Variants in PAIP1 observed in about 807,000 individuals in gnomAD.
PAIP1 encodes the protein poly(A) binding protein interacting protein 1, also known as polyadenylate-binding protein-interacting protein 1.
PAIP1 carries 16 observed loss-of-function variants against 61.3 expected under a neutral mutation model. The ratio of observed to expected loss-of-function variants is 0.26; its 90% CI spans 0.18 to 0.40. The LOEUF (loss-of-function observed/expected upper bound fraction) is 0.40, where lower values mean the gene tolerates loss of function less well. PAIP1 is among the 10% of genes least tolerant of loss of function. The pLI, the probability that PAIP1 is intolerant of heterozygous loss-of-function variation, is 1.00. For synonymous variants in PAIP1, 187 were observed against 226.2 expected (o/e 0.83, Z 1.56); for missense variants, 416 against 600.9 (o/e 0.69, Z 3.22).
chr5:43,534,542 A>G (rs1047664204), intron 8 of PAIP1, among the ~76,000 whole-genome samples: 7 of 152,228 alleles, frequency 4.6e-5, no homozygotes, highest in African/African-American at 1.4e-4. Flanking sequence ...ATGCAAAGTA[A>G]AAGTCTGAGA....
At chr5:43,555,694 A>G (rs1406236672) in intron 2 of PAIP1, 136 bp downstream of exon 2, 2 of 614,338 alleles carry the variant, frequency 3.3e-6, no homozygotes, top group Non-Finnish European at 5.7e-6. Context: ...TCTGAGTTCA[A>G]TAATTCAAAA....
intron 3 of PAIP1, among the ~76,000 whole-genome samples, chr5:43,546,819 G>T (rs1182620764): frequency 6.6e-6 from 1 of 151,966 alleles, no homozygotes; most frequent in Non-Finnish European, 1.5e-5. Flanking sequence ...AAGGCAAGCA[G>T]ATCACTTGCG....
Position 43,526,776 on chromosome 5 carries a change from G to C in PAIP1, c.*600C>G, listed in dbSNP as rs1348214340. 6.6e-6 allele frequency: 1 copy of C among 151,960 alleles called. No individual in the cohort carries two copies. Among genetic ancestry groups the C allele is most frequent in the Admixed American group, 6.6e-5 (1 of 15,256 alleles). 9.4% of individuals were successfully genotyped at this position (151,960 alleles called of 1,614,324 possible). On this transcript the variant is annotated 3_prime_UTR_variant, in exon 11 of 11. Transcript: ENST00000306846. ...TGGAATAAATCTTCAGTGAAGTCTT[G>C]GTTGTTTAGCTGGGAGTTCACCAAG... is the stretch of plus-strand genomic sequence containing the variant.
chr5:43,555,773 A>G, intron 2 of PAIP1, 57 bp downstream of exon 2: 2 of 1,430,608 alleles, frequency 1.4e-6, no homozygotes, highest in Non-Finnish European at 1.9e-6. Flanking sequence ...TAACAAAGTA[A>G]CAACCACATT....
rs376241103 is a variant in PAIP1, at chr5:43,534,951, A to G, written c.1099T>C (p.Leu367=). 7.5e-6 allele frequency: 12 copies of G among 1,602,414 alleles called. No individual in the cohort carries two copies. The highest frequency in any genetic ancestry group is 1.0e-5 in the Non-Finnish European group (12 of 1,169,502). Residue 367 remains leucine (L), a synonymous_variant, in exon 8 of 11, where the codon TTG becomes CTG. Transcript: ENST00000306846. The part of the protein sequence containing the change: ...NCSRDVKQML[L]KLVELRSSNW... ...CTTGACCGGAGTTCTACAAGCTTCA[A>G]GAGCATCTGTTTTACATCTCTGTAG...
chr5:43,553,623 A>G (rs1747950680), intron 2 of PAIP1, among the ~76,000 whole-genome samples: 1 of 152,184 alleles, frequency 6.6e-6, no homozygotes, highest in Non-Finnish European at 1.5e-5. Flanking sequence ...TCGGGGGAAA[A>G]AAGGATCCTG....
At chr5:43,538,487 AT>A (rs1159211825) in intron 5 of PAIP1, among the ~76,000 whole-genome samples, 2 of 152,166 alleles carry the variant, frequency 1.3e-5, no homozygotes, top group Non-Finnish European at 2.9e-5. Context: ...TTAAAAAACT[AT>A]TTGGGTGAAT....
chr5:43,529,474 G>A (rs908268294), intron 10 of PAIP1, among the ~76,000 whole-genome samples: 2 of 151,952 alleles, frequency 1.3e-5, no homozygotes, highest in African/African-American at 4.8e-5. Context: ...CACGATCTCG[G>A]CTCACTGCAA....
intron 9 of PAIP1, 103 bp downstream of exon 9, chr5:43,533,635 A>C: frequency 1.3e-6 from 1 of 781,826 alleles, no homozygotes. Flanking sequence ...TGATGTGAAG[A>C]CATCAAAAAG....
At chr5:43,549,611 A>C (rs1284056292) in intron 2 of PAIP1, among the ~76,000 whole-genome samples, 1 of 151,844 alleles carries the variant, frequency 6.6e-6, no homozygotes, top group Admixed American at 6.6e-5. Context: ...TTTTCTTCCC[A>C]GTCTCGGGTA....
At position 43,526,912 on chromosome 5, in the gene PAIP1, GATT is replaced by G. The variant is rs1209921247; in HGVS notation, c.*461_*463del. Reference sequence around the variant, plus strand: ...AGACTTTAGTGCTAAAGATTTTCAAGATTATGATTCATATTTGAAATTCAATTC... The same window carrying G: ...AGACTTTAGTGCTAAAGATTTTCAAGATGATTCATATTTGAAATTCAATTC... On this transcript the variant is annotated 3_prime_UTR_variant, in exon 11 of 11. Coordinates refer to ENST00000306846, the MANE Select transcript of PAIP1 (RefSeq NM_006451.5). 3 of 151,172 alleles carry G rather than the reference GATT, an allele frequency of 2.0e-5. No homozygotes were observed. The highest frequency in any genetic ancestry group is 4.8e-5 in the African/African-American group (2 of 41,292). 9.4% of individuals were successfully genotyped at this position (151,172 alleles called of 1,614,324 possible).
At chr5:43,547,660 GAGT>G in intron 3 of PAIP1, 65 bp downstream of exon 3, 1 of 951,188 alleles carries the variant, frequency 1.1e-6, no homozygotes, top group Non-Finnish European at 1.6e-6. Flanking sequence ...CTCCCTCAAG[GAGT>G]AGCCACTATC....
chr5:43,544,692 G>A (rs995445077), intron 3 of PAIP1, among the ~76,000 whole-genome samples: 21 of 152,202 alleles, frequency 1.4e-4, no homozygotes, highest in African/African-American at 4.3e-4. Context: ...AATGCCAAAA[G>A]TGGAAAATTC....
upstream of PAIP1, chr5:43,557,091 A>C: frequency 3.6e-4 from 216 of 607,636 alleles, no homozygotes; most frequent in Middle Eastern, 5.4e-4. Context: ...TCTCCCCCAA[A>C]ACCCGGCTCC....
chr5:43,530,835 G>A (rs555991826), intron 9 of PAIP1, among the ~76,000 whole-genome samples: 4 of 152,234 alleles, frequency 2.6e-5, no homozygotes, highest in South Asian at 2.1e-4. Flanking sequence ...CTGGGAGGCT[G>A]ACAGATGATG....
intron 2 of PAIP1, among the ~76,000 whole-genome samples, chr5:43,551,483 G>C (rs1747865324): frequency 6.6e-6 from 1 of 152,176 alleles, no homozygotes; most frequent in South Asian, 2.1e-4. Context: ...TTATAAAGTT[G>C]TGAAAGCAGT....
chr5:43,539,800 T>C (rs1032696860), intron 4 of PAIP1, among the ~76,000 whole-genome samples: 7 of 152,246 alleles, frequency 4.6e-5, no homozygotes, highest in Non-Finnish European at 1.0e-4. Flanking sequence ...ATCCTGTCAC[T>C]GCCTTCATAA....
intron 1 of PAIP1, 142 bp downstream of exon 1, chr5:43,556,440 C>A: frequency 8.3e-7 from 1 of 1,209,744 alleles, no homozygotes; most frequent in Non-Finnish European, 1.0e-6. Context: ...CCGTCCCTAC[C>A]CGGTCACGCG....
chr5:43,556,982 C>T lies in PAIP1; in HGVS notation c.-136G>A. 8.1e-7 allele frequency: 1 copy of T among 1,236,892 alleles called. No individual in the cohort carries two copies. Among genetic ancestry groups the T allele is most frequent in the Non-Finnish European group, 1.0e-6 (1 of 985,818 alleles). 76.6% of individuals were successfully genotyped at this position (1,236,892 alleles called of 1,614,324 possible). On this transcript the variant is annotated 5_prime_UTR_variant, in exon 1 of 11. Transcript: ENST00000306846. ...TCATGGAGGAGGAGGGCGGCGGGCC[C>T]CGGCTCGGCTGCTCGGTGCTTCTGG...
Sources: gnomAD v4.1 joint callset for allele counts (sites outside exome capture counted in the v4.1 genomes callset) on GRCh38, gnomAD v4.1.1 for gene constraint, MANE v1.5 for transcripts, NCBI Gene and HGNC (gene_info 2026-07-23, HGNC 2026-07-21) for gene names.